The following EMC3 variants were observed in gnomAD, a reference collection of about 807,000 sequenced individuals.
The protein encoded by EMC3 is 30 kDa protein.
Under a neutral mutation model 36.6 loss-of-function variants are expected in EMC3, and 13 were observed. That is an observed-to-expected ratio of 0.35 (90% CI 0.23 to 0.56). The LOEUF is 0.56. Ranked by LOEUF, EMC3 falls within the 20% of genes least tolerant of loss-of-function variation. The pLI is 0.84. For synonymous variants in EMC3, 120 were observed against 111.9 expected (o/e 1.07, Z -0.46); for missense variants, 220 against 324.5 (o/e 0.68, Z 2.47).
Position 9,963,936 on chromosome 3 carries a change from C to T in EMC3, c.*133G>A. On this transcript the variant is annotated 3_prime_UTR_variant, in exon 8 of 8. Transcript: ENST00000245046. The stretch of plus-strand genomic sequence containing the variant: ...AACATAAAGGGGAACCCAGCCCAGA[C>T]AAGAACAAGCCTTGCTGCATGCCTG... 1 of 1,464,908 alleles carries T rather than the reference C, an allele frequency of 6.8e-7. No individual in the cohort carries two copies. The highest frequency in any genetic ancestry group is 9.2e-7 in the Non-Finnish European group (1 of 1,085,802). 90.7% of individuals were successfully genotyped at this position (1,464,908 alleles called of 1,614,324 possible).
rs117709448 is a variant in EMC3, at chr3:9,970,242, G to A, written c.574+340C>T. Among the ~76,000 whole-genome samples, 217 of 152,290 alleles carry A rather than the reference G, an allele frequency of 1.4e-3. 5 individuals carry two copies. The East Asian group carries it at 0.024, about 17-fold the overall frequency. On this transcript the variant is annotated intron_variant, in intron 6 of 7. Transcript: ENST00000245046. ...CCCAGCCAGTAAACAAGAGAGCAAG[G>A]ATTAGTACTGGCAAGGGCTCTAGTC...
intron 7 of EMC3, among the ~76,000 whole-genome samples, chr3:9,964,924 T>A (rs1468934271): frequency 6.6e-6 from 1 of 152,108 alleles, no homozygotes; most frequent in Admixed American, 6.6e-5. Flanking sequence ...TACTTTGCCT[T>A]AAATTAGTGA....
intron 1 of EMC3, among the ~76,000 whole-genome samples, chr3:10,009,506 A>G (rs1158338320): frequency 6.6e-6 from 1 of 152,198 alleles, no homozygotes; most frequent in Non-Finnish European, 1.5e-5. Flanking sequence ...ACTTTCCTAT[A>G]ACCCGAGAAT....
rs570442603 is a variant in EMC3 at position 9,972,129 on chromosome 3, A to C, written c.495-1468T>G. ...ACCTTGTCATCAAATGTCAATTCCT[A>C]CACAGGTTTCATAGGTTGCTATGAG... On this transcript the variant is annotated intron_variant, in intron 5 of 7. Coordinates refer to ENST00000245046, the MANE Select transcript of EMC3 (RefSeq NM_001394674.1). 9.2e-5 allele frequency among the ~76,000 whole-genome samples: 14 copies of C among 152,302 alleles called. No individual in the cohort carries two copies. The East Asian group carries it at 2.5e-3, about 27-fold the overall frequency.
At chr3:10,007,815 C>T (rs181846566) in intron 1 of EMC3, among the ~76,000 whole-genome samples, 32 of 152,226 alleles carry the variant, frequency 2.1e-4, no homozygotes, top group African/African-American at 1.2e-4. Context: ...TGTGCATGGC[C>T]GGCATCTGAG....
Position 9,969,342 on chromosome 3 carries a change from C to G in EMC3, c.657+377G>C, listed in dbSNP as rs2085762223. 9.0e-6 allele frequency: 10 copies of G among 1,107,260 alleles called. No individual in the cohort carries two copies. In the South Asian group the frequency reaches 2.1e-4, roughly 23 times the overall value. 68.6% of individuals were successfully genotyped at this position (1,107,260 alleles called of 1,614,324 possible). A position where few individuals can be genotyped will look rare whatever the true frequency, so the allele number is the denominator to read the frequency against. The stretch of plus-strand genomic sequence containing the variant: ...AAAATCATACTAAATTTTGCAAATT[C>G]TAGAACCTTTTTGTGAAAAGGCTCT... On this transcript the variant is annotated intron_variant, in intron 7 of 7. Transcript: ENST00000245046.
At chr3:9,965,713 G>A (rs1005856230) in intron 7 of EMC3, among the ~76,000 whole-genome samples, 5 of 151,932 alleles carry the variant, frequency 3.3e-5, no homozygotes, top group East Asian at 1.9e-4. Context: ...GTTATCTTCC[G>A]TATCTTTTTT....
At chr3:9,993,075 T>C (rs957434650) in intron 1 of EMC3, 6 of 859,836 alleles carry the variant, frequency 7.0e-6, no homozygotes, top group Non-Finnish European at 9.7e-6. Context: ...TCATGTAAAA[T>C]TTCATCTTAT....
At chr3:9,965,416 C>CGATCGATAGATA (rs1553602401) in intron 7 of EMC3, among the ~76,000 whole-genome samples, 2 of 145,756 alleles carry the variant, frequency 1.4e-5, no homozygotes, top group Non-Finnish European at 1.5e-5. Context: ...GTGAGACCCT[C>CGATCGATAGATA]GATAGATAGA....
chr3:9,987,268 AGT>A (rs2124921670), upstream of EMC3: 1 of 981,094 alleles, frequency 1.0e-6, no homozygotes, highest in East Asian at 1.2e-4. Context: ...CTTCTCGGTG[AGT>A]AAATGGAGCA....
At chr3:9,996,160 A>G (rs1335892370) in intron 1 of EMC3, among the ~76,000 whole-genome samples, 7 of 152,308 alleles carry the variant, frequency 4.6e-5, no homozygotes, top group South Asian at 2.1e-4. Context: ...TTGTTTGTGG[A>G]TGCCATTCAC....
At chr3:9,990,264 T>A (rs1280156360), upstream of EMC3, among the ~76,000 whole-genome samples, 1 of 150,116 alleles carries the variant, frequency 6.7e-6, no homozygotes, top group Non-Finnish European at 1.5e-5. Context: ...GACCTTATGA[T>A]CCACCTCAGC....
upstream of EMC3, among the ~76,000 whole-genome samples, chr3:9,990,702 A>T (rs527643273): frequency 9.3e-5 from 14 of 149,838 alleles, no homozygotes; most frequent in African/African-American, 3.0e-4. Context: ...CAGAGATGGG[A>T]TTTCACCATA....
intron 1 of EMC3, chr3:10,009,801 CTG>C (rs1374583294): frequency 2.6e-5 from 4 of 152,284 alleles, no homozygotes; most frequent in Non-Finnish European, 4.4e-5. Context: ...AGAAGGGTGT[CTG>C]TGTAGCCGGG....
chr3:9,997,650 G>A (rs771088430), intron 1 of EMC3, among the ~76,000 whole-genome samples: 1 of 151,936 alleles, frequency 6.6e-6, no homozygotes, highest in African/African-American at 2.4e-5. Flanking sequence ...AGTCGAGTTG[G>A]GGTTTCATCA....
chr3:9,974,216 A>G (rs921553838), intron 4 of EMC3, among the ~76,000 whole-genome samples, 168 bp downstream of exon 4: 1 of 152,208 alleles, frequency 6.6e-6, no homozygotes, highest in African/African-American at 2.4e-5. Context: ...CACGTCATGA[A>G]CTTAGGATCA....
intron 5 of EMC3, among the ~76,000 whole-genome samples, chr3:9,970,992 G>A (rs551164857): frequency 1.0e-3 from 154 of 151,520 alleles, no homozygotes; most frequent in African/African-American, 3.6e-3. Flanking sequence ...GCGCAATCTT[G>A]GCTCACTGCA....
At chr3:9,989,710 A>G (rs1423006987), upstream of EMC3, among the ~76,000 whole-genome samples, 1 of 152,182 alleles carries the variant, frequency 6.6e-6, no homozygotes, top group Non-Finnish European at 1.5e-5. Flanking sequence ...GATAAACACA[A>G]ATTTAACACC....
chr3:9,974,567 G>T (rs2085823410), intron 3 of EMC3, 79 bp from the exon 4 acceptor site: 3 of 969,182 alleles, frequency 3.1e-6, no homozygotes, highest in South Asian at 1.4e-5. Context: ...TCTGTAAACT[G>T]TTTTTTTTTG....
Sources: allele counts gnomAD v4.1 joint callset (sites outside exome capture counted in the v4.1 genomes callset), GRCh38; gene constraint gnomAD v4.1.1; transcripts MANE v1.5; gene names NCBI Gene and HGNC (gene_info 2026-07-23, HGNC 2026-07-21).